The following TMED3 variants were observed in gnomAD, a reference collection of about 807,000 sequenced individuals.
TMED3 encodes the protein transmembrane emp24 domain-containing protein 3.
TMED3 carries 9 observed loss-of-function variants against 15.0 expected under a neutral mutation model. The observed-to-expected ratio is 0.60, with a 90% CI of 0.36 to 1.04. The LOEUF (loss-of-function observed/expected upper bound fraction) is 1.04, where lower values mean the gene tolerates loss of function less well. TMED3 is among the 50% of genes least tolerant of loss of function. The pLI is 0.01. For missense variants in TMED3, 267 were observed against 278.9 expected (o/e 0.96, Z 0.30); for synonymous variants, 117 against 121.4 (o/e 0.96, Z 0.24).
chr15:79,390,911 G>A (rs1260345740), intron 2 of TMED3, among the ~76,000 whole-genome samples: 3 of 151,880 alleles, frequency 2.0e-5, no homozygotes, highest in Admixed American at 6.6e-5. Flanking sequence ...TTATATTTCT[G>A]TGGTGTCAGT....
At chr15:79,353,253 TAA>T (rs1270098510) in intron 2 of TMED3, among the ~76,000 whole-genome samples, 2 of 63,962 alleles carry the variant, frequency 3.1e-5, no homozygotes, top group Non-Finnish European at 5.3e-5. Context: ...ATACTATATA[TAA>T]TATATATTAT....
rs942956850 is a variant in TMED3, at chr15:79,314,462, T to C, written c.417+457T>C. ...ATTCTCATGCATAATCTAGAAAAGGTTGGTGGGGAGCTTTCCTCCATGGTG... is the reference window on the plus strand; with the variant it reads ...ATTCTCATGCATAATCTAGAAAAGGCTGGTGGGGAGCTTTCCTCCATGGTG... On this transcript the variant is annotated intron_variant, in intron 2 of 2. Coordinates refer to ENST00000299705, the MANE Select transcript of TMED3 (RefSeq NM_007364.4). 8 of 438,676 alleles carry C rather than the reference T, an allele frequency of 1.8e-5. No homozygotes were observed. The East Asian group carries it at 5.7e-4, about 31-fold the overall frequency. 27.2% of individuals were successfully genotyped at this position (438,676 alleles called of 1,614,324 possible).
At chr15:79,373,201 A>G (rs1595903876) in intron 2 of TMED3, among the ~76,000 whole-genome samples, 2 of 152,354 alleles carry the variant, frequency 1.3e-5, no homozygotes, top group South Asian at 2.1e-4. Flanking sequence ...AAGACCAGTC[A>G]TAGGCTGTTA....
At chr15:79,342,123 C>A (rs1441379570) in intron 2 of TMED3, among the ~76,000 whole-genome samples, 3 of 152,006 alleles carry the variant, frequency 2.0e-5, no homozygotes, top group Non-Finnish European at 4.4e-5. Flanking sequence ...ATTGTCGTTA[C>A]AAAACAAGAG....
intron 2 of TMED3, among the ~76,000 whole-genome samples, chr15:79,377,938 G>A (rs1266358998): frequency 1.3e-5 from 2 of 152,188 alleles, no homozygotes; most frequent in African/African-American, 4.8e-5. Flanking sequence ...GAGCCACCGC[G>A]CCCGGCTGAA....
chr15:79,401,874 A>G (rs913435721), intron 2 of TMED3, among the ~76,000 whole-genome samples: 3 of 152,154 alleles, frequency 2.0e-5, no homozygotes, highest in Admixed American at 6.5e-5. Context: ...AATCCCATCA[A>G]TAGGTTTTTA....
chr15:79,402,119 A>C (rs1158890504), intron 2 of TMED3, among the ~76,000 whole-genome samples: 1 of 152,182 alleles, frequency 6.6e-6, no homozygotes, highest in Non-Finnish European at 1.5e-5. Context: ...GAAGAAGGAA[A>C]AGCTGATCAA....
At chr15:79,393,413 C>T (rs924138822) in intron 2 of TMED3, among the ~76,000 whole-genome samples, 5 of 152,192 alleles carry the variant, frequency 3.3e-5, no homozygotes, top group Admixed American at 2.0e-4. Context: ...CTCCTCAAGG[C>T]ACTCGGGACT....
At chr15:79,352,432 G>A (rs536630282) in intron 2 of TMED3, among the ~76,000 whole-genome samples, 25 of 152,080 alleles carry the variant, frequency 1.6e-4, no homozygotes, top group East Asian at 3.9e-4. Flanking sequence ...AATGTCAGGC[G>A]TCATGTGCTC....
At chr15:79,362,552 G>A (rs1346696337) in intron 2 of TMED3, among the ~76,000 whole-genome samples, 1 of 152,096 alleles carries the variant, frequency 6.6e-6, no homozygotes, top group Non-Finnish European at 1.5e-5. Flanking sequence ...AATTGATATG[G>A]TTTGGCTCTG....
chr15:79,407,227 A>G (rs1421684941), intron 2 of TMED3, among the ~76,000 whole-genome samples: 2 of 152,148 alleles, frequency 1.3e-5, no homozygotes, highest in Non-Finnish European at 2.9e-5. Flanking sequence ...TTCCAGCAGT[A>G]AGTACAACTG....
chr15:79,374,712 G>A (rs1337382822), intron 2 of TMED3, among the ~76,000 whole-genome samples: 1 of 152,180 alleles, frequency 6.6e-6, no homozygotes, highest in Non-Finnish European at 1.5e-5. Flanking sequence ...GGGGGTTAGG[G>A]ATATTTCTGG....
intron 2 of TMED3, among the ~76,000 whole-genome samples, chr15:79,389,339 A>G (rs929239081): frequency 1.3e-5 from 2 of 151,658 alleles, no homozygotes; most frequent in African/African-American, 4.8e-5. Flanking sequence ...CCATTTGTTG[A>G]AAAGGGTGTC....
At chr15:79,346,686 AT>A (rs1432968674) in intron 2 of TMED3, among the ~76,000 whole-genome samples, 1 of 152,040 alleles carries the variant, frequency 6.6e-6, no homozygotes, top group Non-Finnish European at 1.5e-5. Flanking sequence ...TCTTGAATTG[AT>A]TTTTGTATAT....
At chr15:79,331,542 C>CAAAAAAAAAAAAAAAAAAAAGAAAAAAAA (rs71451761) in intron 2 of TMED3, among the ~76,000 whole-genome samples, 1 of 89,288 alleles carries the variant, frequency 1.1e-5, no homozygotes, top group African/African-American at 4.9e-5. Flanking sequence ...GCAAAAGAAG[C>CAAAAAAAAAAAAAAAAAAAAGAAAAAAAA]AAAAAAAAAA....
Position 79,311,183 on chromosome 15 carries a change from T to A in TMED3, c.-67T>A. ...CATCCTCCTAGGACCCGGTCGGTAG[T>A]CGTCGCCCCAGCCCGCCGGGGGCGC... On this transcript the variant is annotated 5_prime_UTR_variant, in exon 1 of 3. Transcript: ENST00000299705. 3.3e-6 allele frequency: 5 copies of A among 1,505,960 alleles called. No homozygotes were observed. The highest frequency in any genetic ancestry group is 4.4e-6 in the Non-Finnish European group (5 of 1,131,004). 93.3% of individuals were successfully genotyped at this position (1,505,960 alleles called of 1,614,324 possible).
chr15:79,400,924 G>A (rs1309162133), intron 2 of TMED3, among the ~76,000 whole-genome samples: 4 of 152,196 alleles, frequency 2.6e-5, no homozygotes, highest in African/African-American at 9.7e-5. Context: ...AAGCTGGCCT[G>A]CTAAGGTAGG....
chr15:79,402,145 G>A (rs1463700365), intron 2 of TMED3, among the ~76,000 whole-genome samples: 1 of 152,204 alleles, frequency 6.6e-6, no homozygotes, highest in Non-Finnish European at 1.5e-5. Context: ...CATTCTGGAG[G>A]TGGTCGCTGC....
intron 2 of TMED3, among the ~76,000 whole-genome samples, chr15:79,345,982 G>A (rs751699263): frequency 3.3e-5 from 5 of 151,944 alleles, no homozygotes; most frequent in Admixed American, 6.6e-5. Flanking sequence ...TCATTTTCCC[G>A]CTTCTTAATG....
Sources: gnomAD v4.1 joint callset for allele counts (sites outside exome capture counted in the v4.1 genomes callset) on GRCh38, gnomAD v4.1.1 for gene constraint, MANE v1.5 for transcripts, NCBI Gene and HGNC (gene_info 2026-07-23, HGNC 2026-07-21) for gene names.